Variants in GHR observed in about 807,000 individuals in gnomAD.
GHR encodes GH receptor.
Under a neutral mutation model 67.1 loss-of-function variants are expected in GHR, and 35 were observed. The ratio of observed to expected loss-of-function variants is 0.52; its 90% CI spans 0.40 to 0.69. GHR has a LOEUF of 0.69. GHR is among the 30% of genes least tolerant of loss of function. The pLI is 0.00. For synonymous variants in GHR, 272 were observed against 269.1 expected (o/e 1.01, Z -0.10); for missense variants, 792 against 764.6 (o/e 1.04, Z -0.42).
At chr5:42,515,512 A>G (rs943284594) in intron 1 of GHR, among the ~76,000 whole-genome samples, 1 of 152,238 alleles carries the variant, frequency 6.6e-6, no homozygotes, top group Non-Finnish European at 1.5e-5. Flanking sequence ...TCTAGAGGAA[A>G]GAAGAGTAAT....
At chr5:42,561,007 G>A (rs979644168) in intron 1 of GHR, among the ~76,000 whole-genome samples, 5 of 152,130 alleles carry the variant, frequency 3.3e-5, no homozygotes, top group African/African-American at 7.2e-5. Flanking sequence ...GTCCTACCTC[G>A]CCAATCTAAT....
chr5:42,488,317 G>A (rs1446065227), intron 1 of GHR, among the ~76,000 whole-genome samples: 1 of 152,176 alleles, frequency 6.6e-6, no homozygotes, highest in Non-Finnish European at 1.5e-5. Context: ...CTGAGGTCCA[G>A]GATATAGGTA....
At position 42,720,407 on chromosome 5, in the gene GHR, T is replaced by G. The variant is rs1351482960; in HGVS notation, c.*983T>G. The G allele has an allele frequency of 6.6e-6, 1 of 152,202 alleles. No individual in the cohort carries two copies. The highest frequency in any genetic ancestry group is 1.5e-5 in the Non-Finnish European group (1 of 68,036). The allele number at this position is 152,202 out of a possible 1,614,324, so 9.4% of individuals were successfully genotyped here. ...CACACTGACCAAGATACTTAAGTGC[T>G]GCAATTGCACGCGGAGTGAGTTTTT... On this transcript the variant is annotated 3_prime_UTR_variant, in exon 10 of 10. Transcript: ENST00000230882.
intron 1 of GHR, among the ~76,000 whole-genome samples, chr5:42,433,724 G>C (rs1050217938): frequency 1.4e-5 from 2 of 143,976 alleles, no homozygotes; most frequent in Non-Finnish European, 1.5e-5. Flanking sequence ...CAGTACTTAA[G>C]ATATGGTATT....
intron 2 of GHR, among the ~76,000 whole-genome samples, chr5:42,610,471 A>G (rs139139749): frequency 7.3e-4 from 111 of 152,212 alleles, no homozygotes; most frequent in African/African-American, 2.6e-3. Flanking sequence ...TTTTCTCAAG[A>G]TGTTGTGATT....
intron 1 of GHR, among the ~76,000 whole-genome samples, chr5:42,451,670 A>G (rs1744056040): frequency 6.9e-6 from 1 of 144,294 alleles, no homozygotes; most frequent in Non-Finnish European, 1.5e-5. Flanking sequence ...TGCACCACTG[A>G]CTCCAGCTTG....
At chr5:42,497,908 TTCTC>T (rs1195229740) in intron 1 of GHR, among the ~76,000 whole-genome samples, 1 of 152,132 alleles carries the variant, frequency 6.6e-6, no homozygotes, top group African/African-American at 2.4e-5. Context: ...ATGGCAGGCC[TTCTC>T]TCTCTGTCAG....
At chr5:42,663,854 T>A (rs558210992) in intron 3 of GHR, among the ~76,000 whole-genome samples, 1 of 152,324 alleles carries the variant, frequency 6.6e-6, no homozygotes, top group African/African-American at 2.4e-5. Flanking sequence ...CCCCATTGTC[T>A]CAGCCCAAAA....
chr5:42,509,299 A>G (rs1746910434), intron 1 of GHR, among the ~76,000 whole-genome samples: 1 of 152,170 alleles, frequency 6.6e-6, no homozygotes, highest in Non-Finnish European at 1.5e-5. Context: ...ATTAGTAATG[A>G]TTGGCAACTC....
At chr5:42,623,343 C>T (rs1753550113) in intron 2 of GHR, among the ~76,000 whole-genome samples, 1 of 152,102 alleles carries the variant, frequency 6.6e-6, no homozygotes, top group African/African-American at 2.4e-5. Flanking sequence ...CGCTCCACCC[C>T]AAGCATAGCA....
At chr5:42,601,375 C>G (rs184608786) in intron 2 of GHR, among the ~76,000 whole-genome samples, 22 of 152,150 alleles carry the variant, frequency 1.4e-4, no homozygotes, top group Admixed American at 1.2e-3. Flanking sequence ...TACATAATTA[C>G]TAGTATAACT....
chr5:42,639,727 G>T (rs1009592799), intron 3 of GHR, among the ~76,000 whole-genome samples: 1 of 152,100 alleles, frequency 6.6e-6, no homozygotes, highest in Non-Finnish European at 1.5e-5. Flanking sequence ...TTGAAGTTAT[G>T]CATCTCTTGC....
At chr5:42,480,775 G>T (rs1332756761) in intron 1 of GHR, among the ~76,000 whole-genome samples, 1 of 152,190 alleles carries the variant, frequency 6.6e-6, no homozygotes, top group Non-Finnish European at 1.5e-5. Context: ...TTGAGCCTAT[G>T]TGTGTCTCTG....
intron 2 of GHR, among the ~76,000 whole-genome samples, chr5:42,627,792 A>T (rs1041563321): frequency 6.6e-6 from 1 of 152,236 alleles, no homozygotes; most frequent in African/African-American, 2.4e-5. Flanking sequence ...CAGTCCACGG[A>T]CAGCTTGAGT....
intron 6 of GHR, among the ~76,000 whole-genome samples, chr5:42,707,715 A>G (rs1327262140): frequency 6.6e-6 from 1 of 151,964 alleles, no homozygotes. Context: ...GTGTGTGGCT[A>G]TAATAGGCTA....
At chr5:42,687,475 G>A (rs760354800) in intron 3 of GHR, among the ~76,000 whole-genome samples, 15 of 152,144 alleles carry the variant, frequency 9.9e-5, no homozygotes, top group Non-Finnish European at 1.3e-4. Context: ...AACTAGACAA[G>A]GACCAACTTT....
intron 2 of GHR, among the ~76,000 whole-genome samples, chr5:42,585,467 A>T (rs1321251421): frequency 6.6e-6 from 1 of 152,274 alleles, no homozygotes; most frequent in East Asian, 1.9e-4. Flanking sequence ...GCTGAGCTCC[A>T]GGCAGCCAGC....
chr5:42,615,615 CCCTTA>C (rs57013266), intron 2 of GHR, among the ~76,000 whole-genome samples: 36,632 of 151,360 alleles, frequency 0.24, 5,312 homozygotes, highest in African/African-American at 0.41. Context: ...ATGTATCATC[CCCTTA>C]CCTTTATGTA....
intron 8 of GHR, 41 bp downstream of exon 8, chr5:42,713,560 G>A (rs374092980): frequency 4.6e-6 from 4 of 867,838 alleles, no homozygotes; most frequent in East Asian, 2.4e-5. Context: ...TGTACCAGTT[G>A]TTTAGATTTC....
Sources: gnomAD v4.1 joint callset for allele counts (sites outside exome capture counted in the v4.1 genomes callset) on GRCh38, gnomAD v4.1.1 for gene constraint, MANE v1.5 for transcripts, NCBI Gene and HGNC (gene_info 2026-07-23, HGNC 2026-07-21) for gene names.